The following SLC4A1 variants were observed in gnomAD, a reference collection of about 807,000 sequenced individuals.
The protein encoded by SLC4A1 is band 3 anion transport protein.
SLC4A1 carries 29 observed loss-of-function variants against 93.1 expected under a neutral mutation model. The observed-to-expected ratio is 0.31, with a 90% CI of 0.23 to 0.42. The LOEUF (loss-of-function observed/expected upper bound fraction) is 0.42, where lower values mean the gene tolerates loss of function less well. SLC4A1 is among the 20% of genes least tolerant of loss of function. The probability of loss-of-function intolerance (pLI) is 1.00; values close to 1 mark genes in which losing one functional copy is unlikely to be tolerated. For missense variants in SLC4A1, 965 were observed against 1,190.1 expected, an observed-to-expected ratio of 0.81 and a Z score of 2.78; for synonymous variants, 469 against 497.2, an observed-to-expected ratio of 0.94 and a Z score of 0.76.
chr17:44,260,077 C>A, intron 6 of SLC4A1, 145 bp from the exon 7 acceptor site: 1 of 1,085,168 alleles, frequency 9.2e-7, no homozygotes, highest in Non-Finnish European at 1.4e-6. Context: ...CCAGAGAGAC[C>A]CTGGGATGGA....
Position 44,260,711 on chromosome 17 carries a change from A to C in SLC4A1, c.273T>G (p.Asn91Lys). The C allele has an allele frequency of 6.2e-7, 1 of 1,614,106 alleles. No homozygotes were observed. The highest frequency in any genetic ancestry group is 8.5e-7 in the Non-Finnish European group (1 of 1,180,004). Residue 91 changes from asparagine (N) to lysine (K), a missense_variant, in exon 5 of 20, where the codon AAT becomes AAG. Physicochemically the swap from Asn to Lys is moderately conservative, Grantham distance 94. This residue lies in a region of SLC4A1 where 195 missense variants were observed against 183.5 expected (regional missense o/e 1.06). Coordinates refer to ENST00000262418, the MANE Select transcript of SLC4A1 (RefSeq NM_000342.4). ...AGAGGTGCGGGCGGCCCCAGGCCCC[A>C]TTCTCCCCCAGGTTCTCCTCCAGTT... Reference protein sequence around the residue: ...WVQLEENLGENGAWGRPHLSH... With the variant: ...WVQLEENLGEKGAWGRPHLSH...
chr17:44,263,711 T>TTCCTTCCTTCCTTCCTTCCTTCCC (rs2047469867), intron 1 of SLC4A1, among the ~76,000 whole-genome samples: 1 of 8,580 alleles, frequency 1.2e-4, no homozygotes, highest in African/African-American at 1.8e-4. Flanking sequence ...CCTTCCCTCC[T>TTCCTTCCTTCCTTCCTTCCTTCCC]TCCTTCCTTC....
Position 44,259,251 on chromosome 17 carries a change from C to A in SLC4A1, c.788G>T (p.Arg263Leu). Residue 263 changes from arginine to leucine, a missense_variant, in exon 9 of 20, where the codon CGC becomes CTC. This residue lies in a region of SLC4A1 where 770 missense variants were observed against 1,006.6 expected (regional missense o/e 0.76). Coordinates refer to ENST00000262418, the MANE Select transcript of SLC4A1 (RefSeq NM_000342.4). The part of the protein sequence containing the change: ...LEAVELPVPI[R>L]FLFVLLGPEA... ...AGGTCCCAGCAACACAAAGAGGAAG[C>A]GTATAGGCACCGGCAGCTCCACCGC... 6.2e-7 allele frequency: 1 copy of A among 1,614,010 alleles called. No individual in the cohort carries two copies. The highest frequency in any genetic ancestry group is 8.5e-7 in the Non-Finnish European group (1 of 1,180,026).
chr17:44,259,032 C>A, intron 9 of SLC4A1, 131 bp downstream of exon 9: 1 of 946,250 alleles, frequency 1.1e-6, no homozygotes, highest in South Asian at 1.5e-5. Flanking sequence ...GGTAGGATAG[C>A]AGCAGCTGGA....
intron 13 of SLC4A1, among the ~76,000 whole-genome samples, chr17:44,256,742 A>G (rs912491704): frequency 6.6e-6 from 1 of 152,252 alleles, no homozygotes; most frequent in African/African-American, 2.4e-5. Flanking sequence ...ATGTGCACAC[A>G]GAGGCACCCT....
At chr17:44,260,332 G>A (rs896781388) in intron 6 of SLC4A1, 72 bp downstream of exon 6, 2 of 1,560,510 alleles carry the variant, frequency 1.3e-6, no homozygotes, top group African/African-American at 2.7e-5. Flanking sequence ...TCCCGGGGGA[G>A]AACTTGGGGC....
intron 17 of SLC4A1, 38 bp from the exon 18 acceptor site, chr17:44,251,626 G>A (rs757501779): frequency 5.0e-6 from 8 of 1,611,350 alleles, no homozygotes; most frequent in East Asian, 4.5e-5. Flanking sequence ...CAGGTTGCCC[G>A]AGGCCTGGCA....
At chr17:44,264,429 G>A (rs2047478149) in intron 1 of SLC4A1, among the ~76,000 whole-genome samples, 1 of 152,190 alleles carries the variant, frequency 6.6e-6, no homozygotes, top group East Asian at 1.9e-4. Context: ...CTGCACTCCA[G>A]CCTGGGTGAC....
In SLC4A1 at chr17:44,255,852, G is replaced by A. The variant is rs1175342848; in HGVS notation, c.1627-6C>T. The A allele has an allele frequency of 6.2e-7, 1 of 1,614,098 alleles. No individual in the cohort carries two copies. Among genetic ancestry groups the A allele is most frequent in the South Asian group, 1.1e-5 (1 of 91,072 alleles). The stretch of plus-strand genomic sequence containing the variant: ...AGTGGGTGGTCCTGGAAGATCTGCA[G>A]CAGAAAACCAAGGCATTCTGTTCTC... On this transcript the variant is annotated splice_region_variant and splice_polypyrimidine_tract_variant and intron_variant, in intron 13 of 19. Transcript: ENST00000262418.
chr17:44,255,930 T>C (rs1051354590), intron 13 of SLC4A1, 84 bp from the exon 14 acceptor site: 6 of 1,221,256 alleles, frequency 4.9e-6, no homozygotes, highest in Non-Finnish European at 7.3e-6. Context: ...TACCCAGCAC[T>C]ACTATCCATT....
Position 44,258,322 on chromosome 17 carries a change from GA to G in SLC4A1, c.1087+90del. 4 of 1,434,280 alleles carry G rather than the reference GA, an allele frequency of 2.8e-6. No homozygotes were observed. The highest frequency in any genetic ancestry group is 2.0e-6 in the Non-Finnish European group (2 of 1,017,510). 88.8% of individuals were successfully genotyped at this position (1,434,280 alleles called of 1,614,324 possible). A position where few individuals can be genotyped will look rare whatever the true frequency, so the allele number is the denominator to read the frequency against. On this transcript the variant is annotated intron_variant, in intron 10 of 19. Coordinates refer to ENST00000262418, the MANE Select transcript of SLC4A1 (RefSeq NM_000342.4). The surrounding 1 kb of genome is among the most constrained non-coding windows in gnomAD (Gnocchi z 6.1). The stretch of plus-strand genomic sequence containing the variant: ...AAGATGTGGGCAAAGGGAGCGATGA[GA>G]GGGGAACATGTGATGGGAGACAGAG...
intron 1 of SLC4A1, among the ~76,000 whole-genome samples, chr17:44,264,084 T>C (rs1437658895): frequency 6.6e-6 from 1 of 152,086 alleles, no homozygotes; most frequent in Non-Finnish European, 1.5e-5. Context: ...CTCACATCAG[T>C]CTCAAACTCC....
Position 44,254,536 on chromosome 17 carries a change from G to A in SLC4A1, c.2017C>T (p.Leu673=). Residue 673 remains leucine, a synonymous_variant, in exon 16 of 20, where the codon CTG becomes TTG. Coordinates refer to ENST00000262418, the MANE Select transcript of SLC4A1 (RefSeq NM_000342.4). ...TCCAGGAATATGAGGATGAAGACCA[G>A]CAGAGCAGGCAGGGCGGAGGCAAAC... is the stretch of plus-strand genomic sequence containing the variant. ...MMFASALPAL[L]VFILIFLESQ... The A allele has an allele frequency of 6.5e-7, 1 of 1,548,906 alleles. No individual in the cohort carries two copies. Among genetic ancestry groups the A allele is most frequent in the Non-Finnish European group, 8.8e-7 (1 of 1,139,584 alleles).
At position 44,258,020 on chromosome 17, in the gene SLC4A1, T is replaced by C; in HGVS notation, c.1248A>G (p.Ala416=). The C allele has an allele frequency of 1.2e-6, 2 of 1,614,006 alleles. No individual in the cohort carries two copies. Among genetic ancestry groups the C allele is most frequent in the Non-Finnish European group, 1.7e-6 (2 of 1,180,000 alleles). Residue 416 remains alanine (A), a synonymous_variant, in exon 11 of 20, where the codon GCA becomes GCG. Coordinates refer to ENST00000262418, the MANE Select transcript of SLC4A1 (RefSeq NM_000342.4). This position sits in a 1 kb window ranked among gnomAD's most constrained non-coding sequence, Gnocchi z 6.1. ...LAAVIFIYFA[A]LSPAITFGGL... is the part of the protein sequence containing the mutation. ...CGCCGAAGGTGATGGCGGGTGACAG[T>C]GCAGCAAAGTAGATGAAGATGACGG...
chr17:44,255,269 C>T lies in SLC4A1; in HGVS notation c.1828G>A (p.Val610Ile). 1 of 1,556,838 alleles carries T rather than the reference C, an allele frequency of 6.4e-7. No individual in the cohort carries two copies. ...KLRRVIGDFG[V>I]PISILIMVLV... Reference sequence around the variant, plus strand: ...ACCATGATCAGGATGGAGATGGGGACCCCGAAGTCCCCGATGACCCGACGC... The same window carrying T: ...ACCATGATCAGGATGGAGATGGGGATCCCGAAGTCCCCGATGACCCGACGC... The change falls in exon 15 of 20, where the codon GTC becomes ATC. Residue 610 changes from valine (V) to isoleucine (I), a missense_variant. Physicochemically the swap from Val to Ile is conservative, Grantham distance 29. Coordinates refer to ENST00000262418, the MANE Select transcript of SLC4A1 (RefSeq NM_000342.4).
In SLC4A1 at chr17:44,255,293, G is replaced by T; in HGVS notation, c.1804C>A (p.Arg602Ser). 1 of 1,553,548 alleles carries T rather than the reference G, an allele frequency of 6.4e-7. No homozygotes were observed. Among genetic ancestry groups the T allele is most frequent in the Non-Finnish European group, 8.7e-7 (1 of 1,147,788 alleles). ...ACCCCGAAGTCCCCGATGACCCGAC[G>T]CAGCTGGGGGCAGGTGAAAGGACCA... The part of the protein sequence containing the change: ...KNSSYFPGKL[R>S]RVIGDFGVPI... The change falls in exon 15 of 20, where the codon CGT (arginine) becomes AGT (serine). Residue 602 changes from arginine to serine, a missense_variant. Physicochemically the swap from Arg to Ser is moderately radical, Grantham distance 110. This residue lies in a region of SLC4A1 where 770 missense variants were observed against 1,006.6 expected (regional missense o/e 0.76). Coordinates refer to ENST00000262418, the MANE Select transcript of SLC4A1 (RefSeq NM_000342.4).
At chr17:44,255,548 G>T (rs1263214815) in intron 14 of SLC4A1, 125 bp downstream of exon 14, 2 of 1,062,372 alleles carry the variant, frequency 1.9e-6, no homozygotes, top group Non-Finnish European at 2.9e-6. Context: ...GCCAGGGGAG[G>T]TTGGAATTGG....
At chr17:44,262,485 C>A in intron 3 of SLC4A1, 151 bp downstream of exon 3, 1 of 651,900 alleles carries the variant, frequency 1.5e-6, no homozygotes, top group Non-Finnish European at 2.7e-6. Context: ...AAACAAAGCT[C>A]TGTTTATCCT....
chr17:44,254,641 A>G lies in SLC4A1; in HGVS notation c.1912T>C (p.Phe638Leu). ...CGGGCTGAGGAGTTGGACACCTTGAAGCCATCAGGCACCGAGAGTTTCTGT... is the reference window on the plus strand; with the variant it reads ...CGGGCTGAGGAGTTGGACACCTTGAGGCCATCAGGCACCGAGAGTTTCTGT... The part of the protein sequence containing the change: ...YTQKLSVPDG[F>L]KVSNSSARGW... The change falls in exon 16 of 20, where the codon TTC (phenylalanine) becomes CTC (leucine). Residue 638 changes from phenylalanine to leucine, a missense_variant. By Grantham distance (22) the Phe-to-Leu change is conservative. Coordinates refer to ENST00000262418, the MANE Select transcript of SLC4A1 (RefSeq NM_000342.4). 1 of 1,614,106 alleles carries G rather than the reference A, an allele frequency of 6.2e-7. No individual in the cohort carries two copies. Among genetic ancestry groups the G allele is most frequent in the South Asian group, 1.1e-5 (1 of 91,070 alleles).
Sources: allele counts gnomAD v4.1 joint callset (sites outside exome capture counted in the v4.1 genomes callset), GRCh38; gene constraint gnomAD v4.1.1; regional missense constraint gnomAD v4.1.1; non-coding constraint Gnocchi (gnomAD v3.1); transcripts MANE v1.5; gene names NCBI Gene and HGNC (gene_info 2026-07-23, HGNC 2026-07-21).